Variants in ASTN2 observed in about 807,000 individuals in gnomAD.
ASTN2 encodes the protein astrotactin-2.
A neutral mutation model predicts 139.8 loss-of-function variants in ASTN2; 54 were observed. The ratio of observed to expected loss-of-function variants is 0.39; its 90% CI spans 0.31 to 0.48. The LOEUF (loss-of-function observed/expected upper bound fraction) is 0.48, where lower values mean the gene tolerates loss of function less well. Among genes scored for constraint, ASTN2 ranks in the 20% least tolerant of loss-of-function variants. ASTN2 has a pLI of 0.95. For synonymous variants in ASTN2, 756 were observed against 719.5 expected, an observed-to-expected ratio of 1.05 and a Z score of -0.81; for missense variants, 1,565 against 1,725.1, an observed-to-expected ratio of 0.91 and a Z score of 1.64.
chr9:116,736,641 G>A (rs1300626138), intron 13 of ASTN2, among the ~76,000 whole-genome samples: 2 of 152,138 alleles, frequency 1.3e-5, no homozygotes, highest in African/African-American at 2.4e-5. Context: ...CAAGCCTCAC[G>A]CAAATGCCAC....
intron 5 of ASTN2, among the ~76,000 whole-genome samples, chr9:117,091,395 C>T (rs572598877): frequency 1.3e-5 from 2 of 152,212 alleles, no homozygotes; most frequent in South Asian, 4.1e-4. Context: ...GTTTCCAGTT[C>T]AGTGGAGGAC....
At chr9:117,243,515 T>C (rs77732566) in intron 2 of ASTN2, among the ~76,000 whole-genome samples, 6,924 of 152,298 alleles carry the variant, frequency 0.045, 235 homozygotes, top group Middle Eastern at 0.13. Flanking sequence ...AAGTTATTAA[T>C]TACTGATGCC....
At chr9:117,203,735 C>T (rs1831813227) in intron 3 of ASTN2, among the ~76,000 whole-genome samples, 1 of 152,136 alleles carries the variant, frequency 6.6e-6, no homozygotes, top group Non-Finnish European at 1.5e-5. Flanking sequence ...CTGTTCCTAC[C>T]TCTGGGACCT....
chr9:117,159,108 C>A (rs566314440), intron 3 of ASTN2, among the ~76,000 whole-genome samples: 1 of 152,006 alleles, frequency 6.6e-6, no homozygotes, highest in East Asian at 1.9e-4. Context: ...TGGGTAATTG[C>A]AAAAAGTGCT....
At chr9:116,495,430 A>T (rs1381115668) in intron 19 of ASTN2, among the ~76,000 whole-genome samples, 1 of 152,208 alleles carries the variant, frequency 6.6e-6, no homozygotes, top group Admixed American at 6.5e-5. Context: ...CAAGTGACCT[A>T]GGCTTAATCA....
intron 19 of ASTN2, among the ~76,000 whole-genome samples, chr9:116,530,149 A>G (rs1851278866): frequency 3.9e-5 from 1 of 25,376 alleles, no homozygotes; most frequent in Non-Finnish European, 7.8e-5. Context: ...ATATATATAT[A>G]TAAAATAGAA....
Position 116,729,003 on chromosome 9 carries a change from G to T in ASTN2, c.2615C>A (p.Thr872Asn). 6.3e-7 allele frequency: 1 copy of T among 1,584,902 alleles called. No homozygotes were observed. ...GCAGTGGTCCTCACCTGCTGCGAGG[G>T]TGATGGTGCTGAGCTTCACACGGTA... ...NLYRVKLSTI[T>N]LAAGFTNVLK... Residue 872 changes from threonine (T) to asparagine (N), a missense_variant, in exon 15 of 23, where the codon ACC (threonine) becomes AAC (asparagine). Around this residue, in one of 4 missense-constraint regions of ASTN2, gnomAD observed 503 missense variants for 591.7 expected, o/e 0.85. Transcript: ENST00000313400.
intron 1 of ASTN2, among the ~76,000 whole-genome samples, chr9:117,336,207 G>A (rs1304821638): frequency 2.0e-5 from 3 of 152,150 alleles, no homozygotes; most frequent in African/African-American, 7.2e-5. Context: ...GAGTGTGAGT[G>A]TATGTATGAG....
intron 2 of ASTN2, among the ~76,000 whole-genome samples, chr9:117,238,284 G>A (rs1453185310): frequency 6.6e-6 from 1 of 152,040 alleles, no homozygotes; most frequent in Admixed American, 6.6e-5. Flanking sequence ...GAAAAGAGTG[G>A]GTCCCCTCTG....
At chr9:116,518,028 A>G (rs1052882913) in intron 19 of ASTN2, among the ~76,000 whole-genome samples, 1 of 152,234 alleles carries the variant, frequency 6.6e-6, no homozygotes, top group African/African-American at 2.4e-5. Flanking sequence ...TCCAAACTTA[A>G]GAATAATTGG....
intron 16 of ASTN2, among the ~76,000 whole-genome samples, chr9:116,654,826 C>T (rs1021319493): frequency 1.3e-5 from 2 of 152,180 alleles, no homozygotes; most frequent in African/African-American, 4.8e-5. Flanking sequence ...TAACTTGGTG[C>T]TAAGAGTAAA....
chr9:116,974,506 C>CTTT (rs3038410), intron 10 of ASTN2, among the ~76,000 whole-genome samples: 5,393 of 110,806 alleles, frequency 0.049, 409 homozygotes, highest in African/African-American at 0.1. Flanking sequence ...TTAGCCTGGA[C>CTTT]TTTTTTTTTT....
At chr9:116,910,999 A>G (rs930258243) in intron 10 of ASTN2, among the ~76,000 whole-genome samples, 23 of 152,192 alleles carry the variant, frequency 1.5e-4, no homozygotes, top group African/African-American at 5.5e-4. Flanking sequence ...CTGCCTTATA[A>G]CAGGTATTCA....
At chr9:117,099,128 G>C (rs901398381) in intron 4 of ASTN2, among the ~76,000 whole-genome samples, 1 of 151,096 alleles carries the variant, frequency 6.6e-6, no homozygotes, top group African/African-American at 2.4e-5. Flanking sequence ...AAAAAAGGAG[G>C]GAGGAAGACT....
At chr9:117,052,864 T>C (rs761812151) in intron 5 of ASTN2, among the ~76,000 whole-genome samples, 2 of 152,166 alleles carry the variant, frequency 1.3e-5, no homozygotes, top group Non-Finnish European at 2.9e-5. Context: ...TTCAAAACTG[T>C]GTGATGTTCT....
At chr9:116,499,975 C>G (rs552168348) in intron 19 of ASTN2, among the ~76,000 whole-genome samples, 65 of 152,114 alleles carry the variant, frequency 4.3e-4, no homozygotes, top group Non-Finnish European at 7.9e-4. Context: ...TGCAACCCAC[C>G]TAACTCCTGT....
At chr9:116,645,589 C>T (rs531302619) in intron 17 of ASTN2, among the ~76,000 whole-genome samples, 1 of 152,274 alleles carries the variant, frequency 6.6e-6, no homozygotes, top group African/African-American at 2.4e-5. Context: ...CATATCCTCT[C>T]TCTGTTAGTC....
chr9:116,999,563 T>C (rs111768740), intron 7 of ASTN2, among the ~76,000 whole-genome samples: 3 of 77,306 alleles, frequency 3.9e-5, no homozygotes, highest in Admixed American at 1.7e-4. Flanking sequence ...TTTTTTTTTT[T>C]TTTTTTTTTT....
At chr9:116,955,909 A>G (rs1001218236) in intron 10 of ASTN2, among the ~76,000 whole-genome samples, 4 of 152,140 alleles carry the variant, frequency 2.6e-5, no homozygotes, top group African/African-American at 7.2e-5. Flanking sequence ...TAACTGGAAA[A>G]CTAAACAAGA....
Sources: gnomAD v4.1 joint callset for allele counts (sites outside exome capture counted in the v4.1 genomes callset) on GRCh38, gnomAD v4.1.1 for gene constraint, gnomAD v4.1.1 regional missense constraint, MANE v1.5 for transcripts, NCBI Gene and HGNC (gene_info 2026-07-23, HGNC 2026-07-21) for gene names.